Variants in AP3B2 observed in about 807,000 individuals in gnomAD.
AP3B2 encodes AP-3 complex subunit beta-2.
AP3B2 carries 50 observed loss-of-function variants against 126.9 expected under a neutral mutation model. That is an observed-to-expected ratio of 0.39 (90% CI 0.31 to 0.50). The LOEUF is 0.50. AP3B2 is among the 20% of genes least tolerant of loss of function. The pLI is 0.79. For synonymous variants in AP3B2, 541 were observed against 565.0 expected (o/e 0.96, Z 0.60); for missense variants, 1,177 against 1,426.4 (o/e 0.83, Z 2.82).
At chr15:82,666,721 A>G in intron 15 of AP3B2, 26 bp downstream of exon 15, 4 of 1,608,084 alleles carry the variant, frequency 2.5e-6, no homozygotes, top group Non-Finnish European at 3.4e-6. Flanking sequence ...TCCCCTAGGA[A>G]GGTTACCCTT....
chr15:82,660,702 A>G (rs1454222324), intron 25 of AP3B2, among the ~76,000 whole-genome samples: 1 of 152,138 alleles, frequency 6.6e-6, no homozygotes, highest in Non-Finnish European at 1.5e-5. Flanking sequence ...CCTTTTAGAA[A>G]CTGACATCCC....
intron 14 of AP3B2, among the ~76,000 whole-genome samples, chr15:82,671,664 C>G (rs2048161323): frequency 1.3e-5 from 2 of 151,644 alleles, no homozygotes; most frequent in Admixed American, 1.3e-4. Context: ...TCACTTGCAC[C>G]CAGGAGGCAG....
chr15:82,669,160 G>A (rs962680433), intron 14 of AP3B2, among the ~76,000 whole-genome samples: 2 of 152,124 alleles, frequency 1.3e-5, no homozygotes, highest in African/African-American at 4.8e-5. Context: ...GGCAAAGGTG[G>A]TATATGACTA....
At chr15:82,702,122 G>A (rs2151460961) in intron 1 of AP3B2, among the ~76,000 whole-genome samples, 1 of 152,246 alleles carries the variant, frequency 6.6e-6, no homozygotes, top group Non-Finnish European at 1.5e-5. Context: ...TCCTCCCTGA[G>A]TTATCTTCAC....
intron 14 of AP3B2, among the ~76,000 whole-genome samples, chr15:82,671,010 C>T (rs757687725): frequency 3.5e-4 from 53 of 152,142 alleles, no homozygotes; most frequent in Non-Finnish European, 2.9e-4. Flanking sequence ...AGGCCAGGCA[C>T]GGGTGGCTCA....
chr15:82,697,107 G>A (rs1355848095), intron 1 of AP3B2, among the ~76,000 whole-genome samples: 1 of 152,104 alleles, frequency 6.6e-6, no homozygotes, highest in Non-Finnish European at 1.5e-5. Flanking sequence ...CAAGGCAGGC[G>A]GATCACAAGG....
Position 82,681,614 on chromosome 15 carries a change from G to A in AP3B2, c.361-34C>T. 6.2e-7 allele frequency: 1 copy of A among 1,602,538 alleles called. No individual in the cohort carries two copies. The highest frequency in any genetic ancestry group is 1.1e-5 in the South Asian group (1 of 90,258). On this transcript the variant is annotated intron_variant, in intron 4 of 26. Coordinates refer to ENST00000535359, the MANE Select transcript of AP3B2 (RefSeq NM_001278512.2). The surrounding 1 kb of genome is among the most constrained non-coding windows in gnomAD (Gnocchi z 4.0). ...AGAGGTGGAGGCAGAGCTATGAAAG[G>A]GCACCAGGTGCCCTGATGGGGGGAG...
chr15:82,664,266 G>T lies in AP3B2; in HGVS notation c.2261+101C>A. The stretch of plus-strand genomic sequence containing the variant: ...TGACAGCCCCACCCAGCTCACGAGG[G>T]GCTCAGGGGCTCTTAGGAGACTGGC... On this transcript the variant is annotated intron_variant, in intron 19 of 26. Coordinates refer to ENST00000535359, the MANE Select transcript of AP3B2 (RefSeq NM_001278512.2). This position sits in a 1 kb window ranked among gnomAD's most constrained non-coding sequence, Gnocchi z 4.5. The T allele has an allele frequency of 6.4e-7, 1 of 1,570,668 alleles. No individual in the cohort carries two copies. The highest frequency in any genetic ancestry group is 1.1e-5 in the South Asian group (1 of 88,480).
chr15:82,663,811 C>T lies in AP3B2; in HGVS notation c.2426G>A (p.Ser809Asn). Residue 809 changes from serine to asparagine, a missense_variant, in exon 20 of 27, where the codon AGC becomes AAC. Transcript: ENST00000535359. ...CCCCAAGGCTCTCACTGTTTTCCTG[C>T]TCCAGGAGGCAGGTTCTAACTGCTC... ...EEEQLEPASW[S>N]RKTPPSSKSA... is the part of the protein sequence containing the mutation. 2 of 1,612,768 alleles carry T rather than the reference C, an allele frequency of 1.2e-6. No homozygotes were observed. Among genetic ancestry groups the T allele is most frequent in the Non-Finnish European group, 1.7e-6 (2 of 1,179,210 alleles).
At chr15:82,684,683 T>C (rs2048397390) in intron 4 of AP3B2, among the ~76,000 whole-genome samples, 1 of 152,258 alleles carries the variant, frequency 6.6e-6, no homozygotes, top group Non-Finnish European at 1.5e-5. Context: ...TCAGGCTAAC[T>C]TAAAAAAATT....
intron 1 of AP3B2, among the ~76,000 whole-genome samples, chr15:82,696,723 A>T (rs2048633388): frequency 6.6e-6 from 1 of 152,222 alleles, no homozygotes; most frequent in South Asian, 2.1e-4. Flanking sequence ...CTGTGTGTGG[A>T]GCATGGGCTG....
At chr15:82,697,614 C>T (rs990159235) in intron 1 of AP3B2, among the ~76,000 whole-genome samples, 6 of 152,216 alleles carry the variant, frequency 3.9e-5, no homozygotes, top group Admixed American at 2.6e-4. Context: ...TAAGAAGTCA[C>T]TATCCCAAGA....
chr15:82,688,951 G>A lies in AP3B2; in HGVS notation c.265-120C>T, dbSNP rs562392404. Reference sequence around the variant, plus strand: ...GTCCATGGGGACAAACTCTCCCAGTGGGGGAGAGCACCCCTGAGTGTATCC... The same window carrying A: ...GTCCATGGGGACAAACTCTCCCAGTAGGGGAGAGCACCCCTGAGTGTATCC... On this transcript the variant is annotated intron_variant, in intron 3 of 26. Transcript: ENST00000535359. 157 of 1,041,266 alleles carry A rather than the reference G, an allele frequency of 1.5e-4. 3 individuals carry two copies. In the South Asian group the frequency reaches 2.2e-3, roughly 15 times the overall value. The allele number at this position is 1,041,266 out of a possible 1,614,324, so 64.5% of individuals were successfully genotyped here. A position where few individuals can be genotyped will look rare whatever the true frequency, so the allele number is the denominator to read the frequency against.
rs547939057 is a variant in AP3B2 at position 82,699,588 on chromosome 15, C to T, written c.113+10006G>A. 24 of 399,806 alleles carry T rather than the reference C, an allele frequency of 6.0e-5. No individual in the cohort carries two copies. The South Asian group carries it at 3.0e-3, about 51-fold the overall frequency. 24.8% of individuals were successfully genotyped at this position (399,806 alleles called of 1,614,324 possible). ...TGAGAGTGCAACTGCCCATCCCTGG[C>T]CTTCCTGGCTGTGTGGGTAGGGGGT... On this transcript the variant is annotated intron_variant, in intron 1 of 26. Coordinates refer to ENST00000535359, the MANE Select transcript of AP3B2 (RefSeq NM_001278512.2).
At chr15:82,660,048 G>A in intron 25 of AP3B2, 65 bp from the exon 26 acceptor site, 1 of 1,555,040 alleles carries the variant, frequency 6.4e-7, no homozygotes, top group Non-Finnish European at 8.8e-7. Context: ...ACCTGGGTCT[G>A]CTTACTGAGC....
Position 82,680,353 on chromosome 15 carries a change from C to T in AP3B2, c.1055+119G>A, listed in dbSNP as rs1474454381. ...CCAGTGCGGAGGGCAGGACTACGGT[C>T]AGTGTGGAGCGGGTGGGCAGAGGTG... On this transcript the variant is annotated intron_variant, in intron 8 of 26. Transcript: ENST00000535359. The surrounding 1 kb of genome is among the most constrained non-coding windows in gnomAD (Gnocchi z 6.1). The T allele has an allele frequency of 5.3e-6, 8 of 1,497,740 alleles. No individual in the cohort carries two copies. The South Asian group carries it at 9.8e-5, about 18-fold the overall frequency. The allele number at this position is 1,497,740 out of a possible 1,614,324, so 92.8% of individuals were successfully genotyped here.
chr15:82,677,234 G>T, intron 13 of AP3B2, 40 bp downstream of exon 13: 2 of 1,473,908 alleles, frequency 1.4e-6, no homozygotes, highest in Non-Finnish European at 1.9e-6. Flanking sequence ...TCATGGGGAG[G>T]ACCTTGAAGT....
chr15:82,663,224 G>A lies in AP3B2; in HGVS notation c.2507C>T (p.Pro836Leu), dbSNP rs1212977014. ...TGGGGGAGACACAGGCTGGACACTGGGAGGGGTGACTGTGGGAGTAGATAA... is the reference window on the plus strand; with the variant it reads ...TGGGGGAGACACAGGCTGGACACTGAGAGGGGTGACTGTGGGAGTAGATAA... ...SLLDLEDFTP[P>L]SVQPVSPPAI... Residue 836 changes from proline (P) to leucine (L), a missense_variant, in exon 22 of 27, where the codon CCC (proline) becomes CTC (leucine). Physicochemically the swap from Pro to Leu is moderately conservative, Grantham distance 98. This residue lies in a region of AP3B2 where 587 missense variants were observed against 571.3 expected (regional missense o/e 1.03). Coordinates refer to ENST00000535359, the MANE Select transcript of AP3B2 (RefSeq NM_001278512.2). The A allele has an allele frequency of 6.2e-7, 1 of 1,612,694 alleles. No homozygotes were observed.
In AP3B2 at chr15:82,665,737, C is replaced by T. The variant is rs529162817; in HGVS notation, c.1853-162G>A. On this transcript the variant is annotated intron_variant, in intron 15 of 26. Coordinates refer to ENST00000535359, the MANE Select transcript of AP3B2 (RefSeq NM_001278512.2). The surrounding 1 kb of genome is among the most constrained non-coding windows in gnomAD (Gnocchi z 4.4). ...AATGGCTCTTCCACCCTGACTGCAC[C>T]TTTAGGCCCACATGCTGGAAGAAAA... is the stretch of plus-strand genomic sequence containing the variant. 1.5e-3 allele frequency among the ~76,000 whole-genome samples: 221 copies of T among 152,294 alleles called. No individual in the cohort carries two copies. The highest frequency in any genetic ancestry group is 2.6e-3 in the Non-Finnish European group (175 of 68,022).
Sources: gnomAD v4.1 joint callset for allele counts (sites outside exome capture counted in the v4.1 genomes callset) on GRCh38, gnomAD v4.1.1 for gene constraint, gnomAD v4.1.1 regional missense constraint, Gnocchi (gnomAD v3.1) non-coding constraint, MANE v1.5 for transcripts, NCBI Gene and HGNC (gene_info 2026-07-23, HGNC 2026-07-21) for gene names.